SLC24A3: variants seen among roughly 807,000 people sequenced by gnomAD.
SLC24A3 encodes sodium/potassium/calcium exchanger 3.
SLC24A3 carries 28 observed loss-of-function variants against 75.8 expected under a neutral mutation model. That is an observed-to-expected ratio of 0.37 (90% CI 0.27 to 0.51). SLC24A3 has a LOEUF of 0.51. SLC24A3 is among the 20% of genes least tolerant of loss of function. SLC24A3 has a pLI of 0.94. For synonymous variants in SLC24A3, 372 were observed against 334.1 expected, an observed-to-expected ratio of 1.11 and a Z score of -1.24; for missense variants, 663 against 847.8, an observed-to-expected ratio of 0.78 and a Z score of 2.71.
intron 1 of SLC24A3, among the ~76,000 whole-genome samples, chr20:19,255,714 G>T (rs1323295336): frequency 2.6e-5 from 4 of 152,240 alleles, no homozygotes; most frequent in African/African-American, 9.6e-5. Context: ...CACTTGCAAT[G>T]TCGCTTGCTA....
chr20:19,269,080 T>C (rs1169405450), intron 1 of SLC24A3, among the ~76,000 whole-genome samples: 2 of 152,238 alleles, frequency 1.3e-5, no homozygotes, highest in Non-Finnish European at 2.9e-5. Flanking sequence ...GTCCTTAGTT[T>C]AGTCACTAGC....
At chr20:19,665,975 A>C (rs1194516033) in intron 8 of SLC24A3, 86 bp downstream of exon 8, 6 of 1,444,632 alleles carry the variant, frequency 4.2e-6, no homozygotes, top group Non-Finnish European at 5.7e-6. Flanking sequence ...GATTCAAGAA[A>C]GAAAGGGAAG....
At chr20:19,361,785 AAAC>A (rs1210079246) in intron 2 of SLC24A3, among the ~76,000 whole-genome samples, 1 of 152,210 alleles carries the variant, frequency 6.6e-6, no homozygotes, top group Non-Finnish European at 1.5e-5. Context: ...ATTTGTGAAA[AAAC>A]AAGTATTTTA....
chr20:19,303,272 G>A (rs534882149), intron 2 of SLC24A3, among the ~76,000 whole-genome samples: 2 of 152,082 alleles, frequency 1.3e-5, no homozygotes, highest in Non-Finnish European at 2.9e-5. Flanking sequence ...TTGGTTTTCT[G>A]TCCCTGTGTT....
intron 2 of SLC24A3, among the ~76,000 whole-genome samples, chr20:19,458,020 A>G (rs1987608644): frequency 6.6e-6 from 1 of 152,128 alleles, no homozygotes; most frequent in Non-Finnish European, 1.5e-5. Flanking sequence ...AACTTACTCT[A>G]CAGTTTCATA....
chr20:19,500,497 G>GGAGTC (rs1988368434), intron 2 of SLC24A3, among the ~76,000 whole-genome samples: 2 of 151,928 alleles, frequency 1.3e-5, no homozygotes, highest in Non-Finnish European at 2.9e-5. Context: ...GTTAAATATT[G>GGAGTC]GAGTCTCTCA....
At chr20:19,475,787 T>C (rs1040736805) in intron 2 of SLC24A3, among the ~76,000 whole-genome samples, 1 of 152,238 alleles carries the variant, frequency 6.6e-6, no homozygotes, top group Non-Finnish European at 1.5e-5. Flanking sequence ...CAAAAATTTA[T>C]TTTTAGATTT....
intron 13 of SLC24A3, chr20:19,693,978 C>T (rs1448679753): frequency 6.6e-6 from 1 of 152,448 alleles, no homozygotes; most frequent in African/African-American, 2.4e-5. Context: ...AGGAAAGGCA[C>T]AAAGAATTGG....
At chr20:19,310,235 G>A (rs1984427141) in intron 2 of SLC24A3, among the ~76,000 whole-genome samples, 1 of 152,098 alleles carries the variant, frequency 6.6e-6, no homozygotes, top group South Asian at 2.1e-4. Flanking sequence ...GCTACTCAGA[G>A]TGTGGCCTCA....
chr20:19,264,847 A>G (rs1353899734), intron 1 of SLC24A3, among the ~76,000 whole-genome samples: 1 of 152,054 alleles, frequency 6.6e-6, no homozygotes, highest in South Asian at 2.1e-4. Flanking sequence ...TCACGTGGAC[A>G]ATTCTGGGAA....
intron 6 of SLC24A3, among the ~76,000 whole-genome samples, chr20:19,651,371 T>TTTTATA (rs386393480): frequency 1.6e-3 from 174 of 105,942 alleles, no homozygotes; most frequent in Middle Eastern, 9.1e-3. Context: ...CTGGTTTTTA[T>TTTTATA]TATATATATA....
chr20:19,239,698 A>G (rs1366629819), intron 1 of SLC24A3, among the ~76,000 whole-genome samples: 1 of 152,156 alleles, frequency 6.6e-6, no homozygotes, highest in Non-Finnish European at 1.5e-5. Flanking sequence ...GATCCACACC[A>G]CCCTGTCACA....
chr20:19,356,358 C>T (rs1052238530), intron 2 of SLC24A3, among the ~76,000 whole-genome samples: 3 of 152,170 alleles, frequency 2.0e-5, no homozygotes, highest in South Asian at 4.1e-4. Flanking sequence ...TATCCTTATG[C>T]CTTTTCCACA....
chr20:19,251,155 G>C (rs1236272249), intron 1 of SLC24A3, among the ~76,000 whole-genome samples: 2 of 152,132 alleles, frequency 1.3e-5, no homozygotes, highest in African/African-American at 4.8e-5. Context: ...GGAAAACCCA[G>C]CTCACCCTCT....
chr20:19,651,984 T>A (rs1367472113), intron 6 of SLC24A3, among the ~76,000 whole-genome samples: 1 of 152,228 alleles, frequency 6.6e-6, no homozygotes, highest in Admixed American at 6.5e-5. Flanking sequence ...GCTGGATCTC[T>A]TATTTTCTAT....
At chr20:19,617,878 G>C (rs1246781127) in intron 6 of SLC24A3, among the ~76,000 whole-genome samples, 12 of 152,088 alleles carry the variant, frequency 7.9e-5, no homozygotes, top group Non-Finnish European at 1.8e-4. Context: ...AAGACTAAAG[G>C]GCCCTGGGAC....
intron 1 of SLC24A3, among the ~76,000 whole-genome samples, chr20:19,221,329 A>T (rs1050589065): frequency 6.6e-6 from 1 of 152,182 alleles, no homozygotes; most frequent in Admixed American, 6.5e-5. Context: ...TAGACAGGTC[A>T]CTTGTAAAGT....
At chr20:19,692,391 G>A (rs546800755) in intron 12 of SLC24A3, among the ~76,000 whole-genome samples, 42 of 152,216 alleles carry the variant, frequency 2.8e-4, no homozygotes, top group African/African-American at 8.9e-4. Flanking sequence ...CTCACCCACC[G>A]CCATATGGAT....
At chr20:19,710,332 G>C (rs1483898676) in intron 15 of SLC24A3, among the ~76,000 whole-genome samples, 3 of 152,216 alleles carry the variant, frequency 2.0e-5, no homozygotes, top group Non-Finnish European at 4.4e-5. Context: ...TGAGCAGCAA[G>C]TATGCATGAA....
Sources: gnomAD v4.1 joint callset for allele counts (sites outside exome capture counted in the v4.1 genomes callset) on GRCh38, gnomAD v4.1.1 for gene constraint, MANE v1.5 for transcripts, NCBI Gene and HGNC (gene_info 2026-07-23, HGNC 2026-07-21) for gene names.